Variants in DIXDC1 observed in about 807,000 individuals in gnomAD.
The protein encoded by DIXDC1 is dixin.
A neutral mutation model predicts 103.1 loss-of-function variants in DIXDC1; 64 were observed. That is an observed-to-expected ratio of 0.62 (90% CI 0.51 to 0.76). DIXDC1 has a LOEUF of 0.76. Ranked by LOEUF, DIXDC1 falls within the 30% of genes least tolerant of loss-of-function variation. The pLI, the probability that DIXDC1 is intolerant of heterozygous loss-of-function variation, is 0.00. For synonymous variants in DIXDC1, 266 were observed against 298.5 expected (o/e 0.89, Z 1.12); for missense variants, 759 against 834.2 (o/e 0.91, Z 1.11).
chr11:111,936,557 C>T (rs1312570153), upstream of DIXDC1, among the ~76,000 whole-genome samples: 1 of 152,156 alleles, frequency 6.6e-6, no homozygotes, highest in African/African-American at 2.4e-5. Context: ...GCTTGGTCAT[C>T]CTTGATGTTT....
chr11:111,972,033 GGAT>G (rs1555172114), intron 3 of DIXDC1, among the ~76,000 whole-genome samples: 1 of 152,014 alleles, frequency 6.6e-6, no homozygotes, highest in African/African-American at 2.4e-5. Context: ...CTCACTATCC[GGAT>G]GATGAGTTCA....
Position 111,937,412 on chromosome 11 carries a change from CGA to C in DIXDC1, c.-84_-83del. On this transcript the variant is annotated 5_prime_UTR_variant, in exon 1 of 20. Transcript: ENST00000440460. ...CCGGAGGGATCCCAATGAGCTGAGC[CGA>C]GAGCCTTTGTGTGCAGAGGGAGGAG... The C allele has an allele frequency of 6.6e-7, 1 of 1,525,302 alleles. No individual in the cohort carries two copies. The highest frequency in any genetic ancestry group is 8.8e-7 in the Non-Finnish European group (1 of 1,136,516). The allele number at this position is 1,525,302 out of a possible 1,614,324, so 94.5% of individuals were successfully genotyped here.
chr11:111,974,061 G>A lies in DIXDC1; in HGVS notation c.355G>A (p.Val119Ile), dbSNP rs782566158. 6.2e-7 allele frequency: 1 copy of A among 1,613,908 alleles called. No individual in the cohort carries two copies. Among genetic ancestry groups the A allele is most frequent in the South Asian group, 1.1e-5 (1 of 91,070 alleles). ...DGNLKSIMRL[V>I]LALAAHFKPG... is the part of the protein sequence containing the mutation. ...AAACCTGAAGTCTATCATGAGGCTG[G>A]TCCTTGCCTTGGCAGCTCATTTCAA... Residue 119 changes from valine (V) to isoleucine (I), a missense_variant, in exon 4 of 20, where the codon GTC (valine) becomes ATC (isoleucine). By Grantham distance (29) the Val-to-Ile change is conservative. Coordinates refer to ENST00000440460, the MANE Select transcript of DIXDC1 (RefSeq NM_001037954.4).
chr11:111,956,485 GTAA>G (rs1555170572), intron 1 of DIXDC1, among the ~76,000 whole-genome samples: 1 of 152,036 alleles, frequency 6.6e-6, no homozygotes, highest in Non-Finnish European at 1.5e-5. Flanking sequence ...AAAATAAATA[GTAA>G]TAATAATAAT....
At chr11:112,005,164 T>G (rs1474680316) in intron 17 of DIXDC1, among the ~76,000 whole-genome samples, 2 of 152,146 alleles carry the variant, frequency 1.3e-5, no homozygotes, top group Non-Finnish European at 2.9e-5. Context: ...AACTACTGTT[T>G]ATAGGAAACC....
chr11:111,959,019 AC>A (rs2137494514), intron 1 of DIXDC1, among the ~76,000 whole-genome samples: 1 of 152,260 alleles, frequency 6.6e-6, no homozygotes, highest in African/African-American at 2.4e-5. Flanking sequence ...GAGATGAGCT[AC>A]CCACTGCACG....
upstream of DIXDC1, among the ~76,000 whole-genome samples, chr11:111,933,807 A>T (rs1195394225): frequency 6.6e-6 from 1 of 151,454 alleles, no homozygotes; most frequent in African/African-American, 2.4e-5. Flanking sequence ...GTCATGAATT[A>T]TTGGCCATAA....
At chr11:111,942,954 G>T (rs1254004064) in intron 1 of DIXDC1, among the ~76,000 whole-genome samples, 1 of 152,090 alleles carries the variant, frequency 6.6e-6, no homozygotes, top group Non-Finnish European at 1.5e-5. Context: ...AGGGCAACTT[G>T]AACACAAGCA....
rs587767408 is a variant in DIXDC1, at chr11:111,969,212, G to C, written c.316+574G>C. On this transcript the variant is annotated intron_variant, in intron 3 of 19. Transcript: ENST00000440460. The stretch of plus-strand genomic sequence containing the variant: ...GGAGGCCAAGGCGGGAGGATCACTT[G>C]AGCCCAGGAGTTTGAGACTATCCTG... Among the ~76,000 whole-genome samples, 319 of 152,038 alleles carry C rather than the reference G, an allele frequency of 2.1e-3. 10 individuals carry two copies. The highest frequency in any genetic ancestry group is 2.8e-4 in the Non-Finnish European group (19 of 67,976).
chr11:111,980,797 A>G lies in DIXDC1; in HGVS notation c.717A>G (p.Glu239=). The G allele has an allele frequency of 6.2e-7, 1 of 1,613,994 alleles. No homozygotes were observed. The highest frequency in any genetic ancestry group is 8.5e-7 in the Non-Finnish European group (1 of 1,179,870). Residue 239 remains glutamate (E), a synonymous_variant, in exon 6 of 20, where the codon GAA becomes GAG. Transcript: ENST00000440460. ...GCGAGTCCATTATAACCCAGTCAGA[A>G]GAGAAGGCAGATTTTGTGATTATTC... ...AKSESIITQS[E]EKADFVIIPA...
At position 111,995,828 on chromosome 11, in the gene DIXDC1, T is replaced by C. The variant is rs587772005; in HGVS notation, c.1690-252T>C. On this transcript the variant is annotated intron_variant, in intron 16 of 19. Coordinates refer to ENST00000440460, the MANE Select transcript of DIXDC1 (RefSeq NM_001037954.4). ...CTCTTGACCCCACAGGGTCTCCCTT[T>C]ACGCTTCTTCCCCTCCCACCTACCC... 1.1e-3 allele frequency among the ~76,000 whole-genome samples: 163 copies of C among 152,346 alleles called. 4 individuals carry two copies. The South Asian group carries it at 0.033, about 31-fold the overall frequency.
chr11:111,948,884 T>C (rs3853771), intron 1 of DIXDC1, among the ~76,000 whole-genome samples: 27 of 152,204 alleles, frequency 1.8e-4, no homozygotes, highest in African/African-American at 3.9e-4. Context: ...TGATGCATCA[T>C]GATACCTCCC....
At chr11:111,970,744 C>A (rs892212552) in intron 3 of DIXDC1, among the ~76,000 whole-genome samples, 13 of 151,156 alleles carry the variant, frequency 8.6e-5, no homozygotes, top group Non-Finnish European at 1.8e-4. Context: ...ACTACAGTAA[C>A]CAAAACAACA....
At chr11:111,967,409 A>G (rs1159793617) in intron 2 of DIXDC1, among the ~76,000 whole-genome samples, 1 of 152,200 alleles carries the variant, frequency 6.6e-6, no homozygotes, top group Non-Finnish European at 1.5e-5. Context: ...CATATATTAT[A>G]TCGAATCCTT....
chr11:111,931,320 T>C (rs587633890), intron 2 of DIXDC1, among the ~76,000 whole-genome samples: 44 of 150,756 alleles, frequency 2.9e-4, no homozygotes, highest in African/African-American at 1.0e-3. Flanking sequence ...GCCTGGGCAA[T>C]AGAGTGAGAC....
At chr11:111,948,070 A>G (rs1224622199) in intron 1 of DIXDC1, among the ~76,000 whole-genome samples, 1 of 152,208 alleles carries the variant, frequency 6.6e-6, no homozygotes, top group Non-Finnish European at 1.5e-5. Flanking sequence ...TCAGCACCTT[A>G]GTCTCTAACA....
At chr11:111,968,389 CATTTATAT>C in intron 2 of DIXDC1, 116 bp from the exon 3 acceptor site, 1 of 1,030,930 alleles carries the variant, frequency 9.7e-7, no homozygotes, top group Admixed American at 2.7e-5. Flanking sequence ...GGACTTAACT[CATTTATAT>C]ATTTATGTAT....
chr11:112,004,425 G>A (rs760396392), intron 17 of DIXDC1, among the ~76,000 whole-genome samples: 71 of 152,138 alleles, frequency 4.7e-4, no homozygotes, highest in South Asian at 1.0e-3. Flanking sequence ...ACCCATTACA[G>A]CTAGTGGGGA....
At chr11:111,952,771 G>A (rs1966842008) in intron 1 of DIXDC1, among the ~76,000 whole-genome samples, 1 of 147,072 alleles carries the variant, frequency 6.8e-6, no homozygotes, top group African/African-American at 2.5e-5. Context: ...AATGAGCCGA[G>A]ATCACACCAC....
Sources: allele counts gnomAD v4.1 joint callset (sites outside exome capture counted in the v4.1 genomes callset), GRCh38; gene constraint gnomAD v4.1.1; transcripts MANE v1.5; gene names NCBI Gene and HGNC (gene_info 2026-07-23, HGNC 2026-07-21).